Variants in SCPPPQ1 observed in about 807,000 individuals in gnomAD.
SCPPPQ1 encodes the protein secretory calcium-binding phosphoprotein proline- and glutamine-rich 1.
the SCPPPQ1 span, among the ~76,000 whole-genome samples, chr4:87,466,498 C>G: frequency 6.6e-6 from 1 of 152,054 alleles, no homozygotes; most frequent in Non-Finnish European, 1.5e-5. Flanking sequence ...TAGAATTTAA[C>G]AGCTGGGATT....
chr4:87,467,977 A>G, the SCPPPQ1 span, among the ~76,000 whole-genome samples: 629 of 152,306 alleles, frequency 4.1e-3, 4 homozygotes, highest in African/African-American at 0.015. Flanking sequence ...TTAGAAGTTC[A>G]CCTGTTCACT....
the SCPPPQ1 span, among the ~76,000 whole-genome samples, chr4:87,465,352 C>A: frequency 1.3e-5 from 2 of 152,008 alleles, no homozygotes; most frequent in East Asian, 3.8e-4. Context: ...TTTGAACATT[C>A]AATTACTCAA....
the SCPPPQ1 span, among the ~76,000 whole-genome samples, chr4:87,465,349 A>G: frequency 6.6e-6 from 1 of 152,154 alleles, no homozygotes; most frequent in Non-Finnish European, 1.5e-5. Context: ...AAATTTGAAC[A>G]TTCAATTACT....
At chr4:87,468,501 C>T in the SCPPPQ1 span, among the ~76,000 whole-genome samples, 1 of 152,178 alleles carries the variant, frequency 6.6e-6, no homozygotes, top group East Asian at 1.9e-4. Context: ...CCCTCATATT[C>T]AGACTAGTAA....
At chr4:87,464,020 C>A in the SCPPPQ1 span, among the ~76,000 whole-genome samples, 2 of 152,130 alleles carry the variant, frequency 1.3e-5, 1 homozygote, top group Non-Finnish European at 2.9e-5. Flanking sequence ...AACACTGTCC[C>A]AACTGTGACA....
At chr4:87,463,934 C>G in the SCPPPQ1 span, among the ~76,000 whole-genome samples, 1 of 152,150 alleles carries the variant, frequency 6.6e-6, no homozygotes, top group African/African-American at 2.4e-5. Context: ...AGAAATTGAC[C>G]AACTCCGTCT....
At chr4:87,468,566 G>A in the SCPPPQ1 span, among the ~76,000 whole-genome samples, 2 of 152,128 alleles carry the variant, frequency 1.3e-5, no homozygotes, top group Non-Finnish European at 2.9e-5. Context: ...ATGACAAAAT[G>A]TCTATATAGG....
At chr4:87,470,501 A>G in the SCPPPQ1 span, among the ~76,000 whole-genome samples, 1 of 152,208 alleles carries the variant, frequency 6.6e-6, no homozygotes, top group African/African-American at 2.4e-5. Context: ...GGGTTGGTAG[A>G]AAATCAGCAC....
the SCPPPQ1 span, among the ~76,000 whole-genome samples, chr4:87,465,586 AAAGT>A: frequency 6.8e-6 from 1 of 147,086 alleles, no homozygotes; most frequent in Non-Finnish European, 1.5e-5. Context: ...AAAAAAAAAA[AAAGT>A]AAATTGTGAA....
At chr4:87,467,214 A>T in the SCPPPQ1 span, among the ~76,000 whole-genome samples, 1 of 152,212 alleles carries the variant, frequency 6.6e-6, no homozygotes, top group Non-Finnish European at 1.5e-5. Context: ...ATCTGAACTT[A>T]TACTGTTTGT....
At chr4:87,469,949 T>C in the SCPPPQ1 span, among the ~76,000 whole-genome samples, 114 of 29,608 alleles carry the variant, frequency 3.9e-3, 2 homozygotes, top group South Asian at 0.041. Context: ...ACACAAATCT[T>C]TTTTTTTTTT....
At chr4:87,464,285 C>T in the SCPPPQ1 span, among the ~76,000 whole-genome samples, 10 of 152,012 alleles carry the variant, frequency 6.6e-5, no homozygotes, top group Non-Finnish European at 1.2e-4. Flanking sequence ...TTTATATTAG[C>T]TTGGTAAACG....
the SCPPPQ1 span, among the ~76,000 whole-genome samples, chr4:87,468,424 C>A: frequency 6.6e-6 from 1 of 152,072 alleles, no homozygotes; most frequent in Admixed American, 6.5e-5. Flanking sequence ...TTGAAAGCTC[C>A]CTCACTTCTT....
chr4:87,463,978 G>A, the SCPPPQ1 span, among the ~76,000 whole-genome samples: 5 of 152,152 alleles, frequency 3.3e-5, no homozygotes, highest in African/African-American at 1.2e-4. Context: ...TGAGCTGTCT[G>A]TCTTAGAGTG....
the SCPPPQ1 span, among the ~76,000 whole-genome samples, chr4:87,465,078 A>G: frequency 6.6e-6 from 1 of 152,172 alleles, no homozygotes; most frequent in Non-Finnish European, 1.5e-5. Context: ...ACCCCCACTA[A>G]TGACAAATGT....
the SCPPPQ1 span, among the ~76,000 whole-genome samples, chr4:87,469,945 ATCTTTTTT>A: frequency 7.8e-6 from 1 of 127,912 alleles, no homozygotes; most frequent in Non-Finnish European, 1.6e-5. Context: ...CTACACACAA[ATCTTTTTT>A]TTTTTTTTTT....
At chr4:87,462,471 G>A in the SCPPPQ1 span, among the ~76,000 whole-genome samples, 6 of 117,944 alleles carry the variant, frequency 5.1e-5, no homozygotes, top group African/African-American at 6.6e-5. Flanking sequence ...TGGTCTCCAC[G>A]TTTTTCTTTC....
the SCPPPQ1 span, among the ~76,000 whole-genome samples, chr4:87,468,027 C>A: frequency 1.3e-5 from 2 of 152,146 alleles, no homozygotes; most frequent in Non-Finnish European, 2.9e-5. Flanking sequence ...AAAACAATAA[C>A]AGCAACAAGG....
the SCPPPQ1 span, among the ~76,000 whole-genome samples, chr4:87,462,995 CA>C: frequency 0.47 from 42,872 of 91,490 alleles, 5,593 homozygotes; most frequent in East Asian, 0.62. Flanking sequence ...CAAGACTCCT[CA>C]AAAAAAAAAA....
Sources: gnomAD v4.1 joint callset for allele counts (sites outside exome capture counted in the v4.1 genomes callset) on GRCh38, gnomAD v4.1.1 for gene constraint, MANE v1.5 for transcripts, NCBI Gene and HGNC (gene_info 2026-07-23, HGNC 2026-07-21) for gene names.